CLCN7: variants seen among roughly 807,000 people sequenced by gnomAD.
CLCN7 encodes the protein Cl-/H+ antiporter 7, also known as H(+)/Cl(-) exchange transporter 7.
In CLCN7, 60 loss-of-function variants were observed where a neutral mutation model predicts 102.1. The observed-to-expected ratio is 0.59, with a 90% CI of 0.48 to 0.73. The LOEUF is 0.73. Ranked by LOEUF, CLCN7 falls within the 30% of genes least tolerant of loss-of-function variation. The probability of loss-of-function intolerance (pLI) is 0.00; values close to 1 mark genes in which losing one functional copy is unlikely to be tolerated. For synonymous variants in CLCN7, 560 were observed against 490.5 expected, an observed-to-expected ratio of 1.14 and a Z score of -1.87; for missense variants, 962 against 1,125.7, an observed-to-expected ratio of 0.85 and a Z score of 2.08.
rs774263442 is a variant in CLCN7 at position 1,447,375 on chromosome 16, C to T, written c.2250+17G>A. Reference sequence around the variant, plus strand: ...TCAGTCCCAGGCCCCACGCCCATGCCCATGCCCTGCACATGCCTGGGGCAC... The same window carrying T: ...TCAGTCCCAGGCCCCACGCCCATGCTCATGCCCTGCACATGCCTGGGGCAC... On this transcript the variant is annotated intron_variant, in intron 23 of 24. Coordinates refer to ENST00000382745, the MANE Select transcript of CLCN7 (RefSeq NM_001287.6). 1 of 1,544,248 alleles carries T rather than the reference C, an allele frequency of 6.5e-7. No homozygotes were observed. Among genetic ancestry groups the T allele is most frequent in the South Asian group, 1.2e-5 (1 of 83,918 alleles).
At chr16:1,467,244 C>A (rs2039017740) in intron 1 of CLCN7, among the ~76,000 whole-genome samples, 1 of 152,192 alleles carries the variant, frequency 6.6e-6, no homozygotes, top group African/African-American at 2.4e-5. Flanking sequence ...CATCTCCACG[C>A]CCAGGGGAGA....
chr16:1,448,427 A>G lies in CLCN7; in HGVS notation c.1941T>C (p.Ile647=). 1 of 1,612,462 alleles carries G rather than the reference A, an allele frequency of 6.2e-7. No homozygotes were observed. The highest frequency in any genetic ancestry group is 8.5e-7 in the Non-Finnish European group (1 of 1,179,956). ...ACGCCGTGTCGCTCAGCACGTCCACAATGACGCCGACCTTCTCACGCCGCC... is the reference window on the plus strand; with the variant it reads ...ACGCCGTGTCGCTCAGCACGTCCACGATGACGCCGACCTTCTCACGCCGCC... ...CLRRREKVGV[I]VDVLSDTASN... is the part of the protein sequence containing the mutation. The change falls in exon 21 of 25, where the codon ATT becomes ATC. Residue 647 remains isoleucine, a synonymous_variant. Coordinates refer to ENST00000382745, the MANE Select transcript of CLCN7 (RefSeq NM_001287.6).
At chr16:1,474,558 C>A (rs1021385715) in intron 1 of CLCN7, among the ~76,000 whole-genome samples, 1 of 152,206 alleles carries the variant, frequency 6.6e-6, no homozygotes, top group African/African-American at 2.4e-5. Flanking sequence ...CCCCGGCGCC[C>A]CTCAGCGCCC....
Position 1,461,599 on chromosome 16 carries a change from C to T in CLCN7, c.285+4G>A. ...CAGGGTCAGGGGGACAGAAGGACGCCCACCTCATACTTGAGGGACAGGAGC... is the reference window on the plus strand; with the variant it reads ...CAGGGTCAGGGGGACAGAAGGACGCTCACCTCATACTTGAGGGACAGGAGC... On this transcript the variant is annotated splice_donor_region_variant and intron_variant, in intron 3 of 24. Transcript: ENST00000382745. The T allele has an allele frequency of 6.8e-6, 11 of 1,613,852 alleles. No individual in the cohort carries two copies. The highest frequency in any genetic ancestry group is 9.3e-6 in the Non-Finnish European group (11 of 1,179,812).
At position 1,449,328 on chromosome 16, in the gene CLCN7, C is replaced by T; in HGVS notation, c.1618-1G>A. 1 of 1,583,730 alleles carries T rather than the reference C, an allele frequency of 6.3e-7. No individual in the cohort carries two copies. The highest frequency in any genetic ancestry group is 8.6e-7 in the Non-Finnish European group (1 of 1,165,192). On this transcript the variant is annotated splice_acceptor_variant, in intron 17 of 24. Coordinates refer to ENST00000382745, the MANE Select transcript of CLCN7 (RefSeq NM_001287.6). LOFTEE classifies it high-confidence loss of function. ...CGTATTTGCCGGGGTCCGCCCAGAT[C>T]TGTGGGAGGTGACACGGAGGAGGTG...
intron 13 of CLCN7, 126 bp from the exon 14 acceptor site, chr16:1,454,020 G>T: frequency 1.2e-6 from 1 of 855,200 alleles, no homozygotes; most frequent in Non-Finnish European, 1.9e-6. Flanking sequence ...GGGGCTAGGG[G>T]GTCCTGGTAA....
rs894459175 is a variant in CLCN7, at chr16:1,462,691, G to C, written c.214-1017C>G. On this transcript the variant is annotated intron_variant, in intron 2 of 24. Coordinates refer to ENST00000382745, the MANE Select transcript of CLCN7 (RefSeq NM_001287.6). Reference sequence around the variant, plus strand: ...AAAAAAAAAAAAAAAAAAAAAACCAGGCATGGTACTGGCATGAAGATGGCC... The same window carrying C: ...AAAAAAAAAAAAAAAAAAAAAACCACGCATGGTACTGGCATGAAGATGGCC... Among the ~76,000 whole-genome samples, 4 of 128,010 alleles carry C rather than the reference G, an allele frequency of 3.1e-5. No individual in the cohort carries two copies. The South Asian group carries it at 9.2e-4, about 29-fold the overall frequency. 84.0% of individuals were successfully genotyped at this position (128,010 alleles called of 152,430 possible).
chr16:1,463,359 G>A (rs1596225941), intron 2 of CLCN7, among the ~76,000 whole-genome samples: 1 of 152,130 alleles, frequency 6.6e-6, no homozygotes, highest in East Asian at 1.9e-4. Flanking sequence ...ACCTGTGCGG[G>A]GTGTGATGCA....
At chr16:1,459,954 A>AGGTCGGGGC (rs2038906229) in intron 6 of CLCN7, among the ~76,000 whole-genome samples, 1 of 133,712 alleles carries the variant, frequency 7.5e-6, no homozygotes, top group African/African-American at 3.0e-5. Context: ...AGCAGCACAC[A>AGGTCGGGGC]CTTCGGGGCC....
At chr16:1,459,669 C>T (rs1331946289) in intron 6 of CLCN7, among the ~76,000 whole-genome samples, 1 of 41,066 alleles carries the variant, frequency 2.4e-5, no homozygotes, top group East Asian at 4.2e-4. Context: ...GGGAGAGCGG[C>T]ACACACGTCG....
chr16:1,474,803 G>C (rs1422065829), intron 1 of CLCN7, 31 bp downstream of exon 1: 2 of 1,297,718 alleles, frequency 1.5e-6, no homozygotes, highest in Admixed American at 3.5e-5. Context: ...CGAGGGCTCA[G>C]TTTCCCCGCC....
At chr16:1,474,418 A>G (rs1448145556) in intron 1 of CLCN7, 19 of 337,968 alleles carry the variant, frequency 5.6e-5, no homozygotes, top group South Asian at 3.3e-4. Flanking sequence ...CCAGGGGGTC[A>G]AAAACGCAAA....
chr16:1,453,912 G>C lies in CLCN7; in HGVS notation c.1154-18C>G. 1 of 1,612,690 alleles carries C rather than the reference G, an allele frequency of 6.2e-7. No individual in the cohort carries two copies. Among genetic ancestry groups the C allele is most frequent in the Non-Finnish European group, 8.5e-7 (1 of 1,179,808 alleles). On this transcript the variant is annotated intron_variant, in intron 13 of 24. Coordinates refer to ENST00000382745, the MANE Select transcript of CLCN7 (RefSeq NM_001287.6). ...CACACCGCCTGCGAACAGGGGAAAG[G>C]CCAGTCAGCGACACCGGAGGAAAAG...
chr16:1,461,642 C>T lies in CLCN7; in HGVS notation c.246G>A (p.Glu82=). 1 of 1,614,130 alleles carries T rather than the reference C, an allele frequency of 6.2e-7. No homozygotes were observed. The highest frequency in any genetic ancestry group is 8.5e-7 in the Non-Finnish European group (1 of 1,180,018). The part of the protein sequence containing the change: ...DMDPPHPFPK[E]IPHNEKLLSL... Reference sequence around the variant, plus strand: ...ACAGGAGCTTCTCGTTGTGTGGGATCTCCTTGGGGAAGGGATGTGGAGGGT... The same window carrying T: ...ACAGGAGCTTCTCGTTGTGTGGGATTTCCTTGGGGAAGGGATGTGGAGGGT... Residue 82 remains glutamate, a synonymous_variant, in exon 3 of 25, where the codon GAG becomes GAA. Coordinates refer to ENST00000382745, the MANE Select transcript of CLCN7 (RefSeq NM_001287.6).
chr16:1,473,452 T>C (rs117346691), intron 1 of CLCN7, among the ~76,000 whole-genome samples: 8,813 of 144,608 alleles, frequency 0.061, 320 homozygotes, highest in Non-Finnish European at 0.088. Flanking sequence ...CCGCTCACTG[T>C]AAGCTCCGCC....
chr16:1,474,959 T>G lies in CLCN7; in HGVS notation c.16A>C (p.Lys6Gln). 6.7e-7 allele frequency: 1 copy of G among 1,487,828 alleles called. No homozygotes were observed. Among genetic ancestry groups the G allele is most frequent in the Non-Finnish European group, 8.9e-7 (1 of 1,123,312 alleles). The allele number at this position is 1,487,828 out of a possible 1,614,324, so 92.2% of individuals were successfully genotyped here. A position where few individuals can be genotyped will look rare whatever the true frequency, so the allele number is the denominator to read the frequency against. MANVS[K>Q]KVSWSGRDRD... ...TCCCGGCCGGACCAGGACACCTTCT[T>G]AGAGACGTTGGCCATGGCCCGCCGC... The change falls in exon 1 of 25, where the codon AAG becomes CAG. Residue 6 changes from lysine (K) to glutamine (Q), a missense_variant. Lys to Gln is a moderately conservative substitution (Grantham distance 53). Around this residue, in one of 2 missense-constraint regions of CLCN7, gnomAD observed 163 missense variants for 137.7 expected, o/e 1.18. Transcript: ENST00000382745.
chr16:1,447,557 C>T lies in CLCN7; in HGVS notation c.2085G>A (p.Glu695=), dbSNP rs1250590298. The T allele has an allele frequency of 1.2e-5, 19 of 1,556,214 alleles. No individual in the cohort carries two copies. The highest frequency in any genetic ancestry group is 1.7e-5 in the Non-Finnish European group (19 of 1,150,244). Residue 695 remains glutamate (E), a synonymous_variant, in exon 23 of 25, where the codon GAG becomes GAA. Transcript: ENST00000382745. The part of the protein sequence containing the change: ...IVLLKHKVFV[E]RSNLGLVQRR... ...GCTGTACCAGGCCCAGGTTGGACCG[C>T]TCCACAAACACCTGCGGGCGGCAGA...
At chr16:1,449,750 G>C in intron 17 of CLCN7, 1 of 246,682 alleles carries the variant, frequency 4.1e-6, no homozygotes. Context: ...TTTCCATTCT[G>C]GGATGACGGA....
In CLCN7 at chr16:1,474,929, C is replaced by A. The variant is rs758456856; in HGVS notation, c.46G>T (p.Asp16Tyr). 46 of 1,480,356 alleles carry A rather than the reference C, an allele frequency of 3.1e-5. No individual in the cohort carries two copies. Among genetic ancestry groups the A allele is most frequent in the Non-Finnish European group, 4.0e-5 (45 of 1,120,458 alleles). The allele number at this position is 1,480,356 out of a possible 1,614,324, so 91.7% of individuals were successfully genotyped here. A position where few individuals can be genotyped will look rare whatever the true frequency, so the allele number is the denominator to read the frequency against. ...AGCAGCGGCGCCGCCTCCTCGTCGT[C>A]CCGGTCCCGGCCGGACCAGGACACC... ...KKVSWSGRDR[D>Y]DEEAAPLLRR... The change falls in exon 1 of 25, where the codon GAC becomes TAC. Residue 16 changes from aspartate (D) to tyrosine (Y), a missense_variant. Coordinates refer to ENST00000382745, the MANE Select transcript of CLCN7 (RefSeq NM_001287.6).
Sources: gnomAD v4.1 joint callset for allele counts (sites outside exome capture counted in the v4.1 genomes callset) on GRCh38, gnomAD v4.1.1 for gene constraint, gnomAD v4.1.1 regional missense constraint, MANE v1.5 for transcripts, NCBI Gene and HGNC (gene_info 2026-07-23, HGNC 2026-07-21) for gene names.